C1orf159: variants seen among roughly 807,000 people sequenced by gnomAD.
C1orf159 encodes chromosome 1 open reading frame 159, also known as uncharacterized protein C1orf159.
In C1orf159, 19 loss-of-function variants were observed where a neutral mutation model predicts 25.6. The ratio of observed to expected loss-of-function variants is 0.74; its 90% CI spans 0.52 to 1.09. The LOEUF (loss-of-function observed/expected upper bound fraction) is 1.09, where lower values mean the gene tolerates loss of function less well. Ranked by LOEUF, C1orf159 falls within the 50% of genes least tolerant of loss-of-function variation. C1orf159 has a pLI of 0.00. For missense variants in C1orf159, 274 were observed against 290.6 expected (o/e 0.94, Z 0.42); for synonymous variants, 139 against 124.7 (o/e 1.12, Z -0.77).
intron 1 of C1orf159, among the ~76,000 whole-genome samples, chr1:1,097,516 G>A (rs558029926): frequency 6.6e-5 from 10 of 151,886 alleles, no homozygotes; most frequent in Admixed American, 3.3e-4. Flanking sequence ...GGGCTCAAGC[G>A]ATCCTCCCAC....
chr1:1,094,164 C>T lies in C1orf159; in HGVS notation c.-135-2061G>A, dbSNP rs914304024. ...CCAGGCTGGAGTGCAGTAGTGGGATCGTGGCTCACTGCAGCCTTGACCTCC... is the reference window on the plus strand; with the variant it reads ...CCAGGCTGGAGTGCAGTAGTGGGATTGTGGCTCACTGCAGCCTTGACCTCC... On this transcript the variant is annotated intron_variant, in intron 1 of 9. Coordinates refer to ENST00000421241, the MANE Select transcript of C1orf159 (RefSeq NM_017891.5). Among the ~76,000 whole-genome samples, 5 of 151,238 alleles carry T rather than the reference C, an allele frequency of 3.3e-5. No homozygotes were observed. The East Asian group carries it at 9.8e-4, about 30-fold the overall frequency.
chr1:1,099,783 GGAGA>G (rs1303463022), intron 1 of C1orf159, among the ~76,000 whole-genome samples: 1 of 80,426 alleles, frequency 1.2e-5, no homozygotes, highest in Non-Finnish European at 2.1e-5. Flanking sequence ...TCTAAGAATC[GGAGA>G]GAGAGGTTAA....
rs985064987 is a variant in C1orf159, at chr1:1,113,948, G to A, written c.-136+2112C>T. Among the ~76,000 whole-genome samples the A allele has an allele frequency of 6.9e-5, 9 of 131,036 alleles. No homozygotes were observed. In the South Asian group the frequency reaches 1.5e-3, roughly 22 times the overall value. The allele number at this position is 131,036 out of a possible 152,430, so 86.0% of individuals were successfully genotyped here. A position where few individuals can be genotyped will look rare whatever the true frequency, so the allele number is the denominator to read the frequency against. ...TTTTTTTTTTTTGAGATGGAGTCTC[G>A]CTCTGTCACCCAGGCTGCAGTGCAG... On this transcript the variant is annotated intron_variant, in intron 1 of 9. Transcript: ENST00000421241.
chr1:1,090,961 A>G (rs758985489), intron 3 of C1orf159: 14 of 1,550,124 alleles, frequency 9.0e-6, no homozygotes, highest in Non-Finnish European at 1.2e-5. Context: ...TGTGTTGATC[A>G]CAGCTGTGCT....
rs774850647 is a variant in C1orf159 at position 1,085,845 on chromosome 1, C to T, written c.445+33G>A. The T allele has an allele frequency of 5.6e-6, 9 of 1,611,108 alleles. No individual in the cohort carries two copies. The East Asian group carries it at 2.0e-4, about 36-fold the overall frequency. ...GGCTGGATGCCGCCTGCCCTGTGCC[C>T]TCCCGTGGGGCAGGTGCTGGTCCGG... On this transcript the variant is annotated intron_variant, in intron 7 of 9. Transcript: ENST00000421241.
At chr1:1,104,670 C>T (rs1425946911) in intron 1 of C1orf159, among the ~76,000 whole-genome samples, 1 of 152,180 alleles carries the variant, frequency 6.6e-6, no homozygotes, top group Non-Finnish European at 1.5e-5. Context: ...TGGCTCACAC[C>T]TAGAATATCA....
intron 1 of C1orf159, among the ~76,000 whole-genome samples, chr1:1,100,415 G>A (rs1646084115): frequency 6.6e-6 from 1 of 152,102 alleles, no homozygotes; most frequent in African/African-American, 2.4e-5. Flanking sequence ...ACAAGGAGTT[G>A]TGCCTCCCCG....
rs1196274279 is a variant in C1orf159, at chr1:1,084,342, G to A, written c.502+11C>T. On this transcript the variant is annotated intron_variant, in intron 9 of 9. Coordinates refer to ENST00000421241, the MANE Select transcript of C1orf159 (RefSeq NM_017891.5). ...GGAAACCCCACAGGGGGATGCGACA[G>A]CTGCTGTTACCTGAGGACTGTGGCG... The A allele has an allele frequency of 6.5e-7, 1 of 1,544,350 alleles. No individual in the cohort carries two copies. The highest frequency in any genetic ancestry group is 8.7e-7 in the Non-Finnish European group (1 of 1,145,340).
At chr1:1,105,560 A>C (rs6702072) in intron 1 of C1orf159, among the ~76,000 whole-genome samples, 36,327 of 152,084 alleles carry the variant, frequency 0.24, 5,861 homozygotes, top group African/African-American at 0.46. Context: ...ATATACCCTT[A>C]AATATTAGAC....
At chr1:1,084,608 T>C (rs1645800156) in intron 7 of C1orf159, 102 bp from the exon 8 acceptor site, 1 of 1,460,938 alleles carries the variant, frequency 6.8e-7, no homozygotes, top group African/African-American at 1.4e-5. Context: ...TGCCTCAGCC[T>C]CAGCCCAGTG....
intron 6 of C1orf159, among the ~76,000 whole-genome samples, chr1:1,086,375 G>A (rs1274165745): frequency 2.0e-5 from 3 of 152,126 alleles, no homozygotes; most frequent in South Asian, 4.2e-4. Flanking sequence ...TCCTTCCTCC[G>A]GGCTCAGCAC....
intron 4 of C1orf159, among the ~76,000 whole-genome samples, chr1:1,090,075 A>C (rs1312460583): frequency 6.6e-6 from 1 of 152,100 alleles, no homozygotes; most frequent in East Asian, 1.9e-4. Flanking sequence ...CCACTCCCCC[A>C]GACCCTTCTC....
intron 1 of C1orf159, among the ~76,000 whole-genome samples, chr1:1,101,963 A>G (rs1646106268): frequency 6.7e-6 from 1 of 148,872 alleles, no homozygotes; most frequent in Non-Finnish European, 1.5e-5. Context: ...TCCCAGCTAC[A>G]TGGGAGGCTG....
At position 1,082,227 on chromosome 1, in the gene C1orf159, T is replaced by C. The variant is rs997851113; in HGVS notation, c.*666A>G. The C allele has an allele frequency of 6.5e-6, 1 of 153,542 alleles. No individual in the cohort carries two copies. The highest frequency in any genetic ancestry group is 1.5e-5 in the Non-Finnish European group (1 of 68,834). 9.5% of individuals were successfully genotyped at this position (153,542 alleles called of 1,614,324 possible). A position where few individuals can be genotyped will look rare whatever the true frequency, so the allele number is the denominator to read the frequency against. On this transcript the variant is annotated 3_prime_UTR_variant, in exon 10 of 10. Transcript: ENST00000421241. Reference sequence around the variant, plus strand: ...GGATCCGAGCGGGGCCACAGAGCTCTGGAGGACTTTTCTGCACAATGAATT... The same window carrying C: ...GGATCCGAGCGGGGCCACAGAGCTCCGGAGGACTTTTCTGCACAATGAATT...
At chr1:1,085,824 G>T (rs571523419) in intron 7 of C1orf159, 54 bp downstream of exon 7, 89 of 1,601,532 alleles carry the variant, frequency 5.6e-5, no homozygotes, top group Non-Finnish European at 7.0e-5. Flanking sequence ...CTCCACGGCT[G>T]GATGCCGCCT....
At chr1:1,091,004 G>A in intron 3 of C1orf159, 1 of 1,526,074 alleles carries the variant, frequency 6.6e-7, no homozygotes, top group Non-Finnish European at 8.9e-7. Flanking sequence ...TGAACGGTGA[G>A]GGCGTCCAGG....
At chr1:1,084,057 G>A in intron 9 of C1orf159, 1 of 1,609,648 alleles carries the variant, frequency 6.2e-7, no homozygotes, top group Non-Finnish European at 8.5e-7. Flanking sequence ...CCCTGTCGTG[G>A]TGGGTCCTCC....
rs532250951 is a variant in C1orf159, at chr1:1,107,589, C to G, written c.-136+8471G>C. On this transcript the variant is annotated intron_variant, in intron 1 of 9. Transcript: ENST00000421241. The stretch of plus-strand genomic sequence containing the variant: ...CTGTGTCTAGCTCAGGGATCGTAAA[C>G]GCACTAATCAGCACCCTGTCAAAAC... Among the ~76,000 whole-genome samples the G allele has an allele frequency of 2.0e-5, 3 of 152,306 alleles. No homozygotes were observed. The East Asian group carries it at 5.8e-4, about 29-fold the overall frequency.
At chr1:1,083,096 G>A (rs921922124) in intron 9 of C1orf159, 109 bp from the exon 10 acceptor site, 5 of 884,326 alleles carry the variant, frequency 5.7e-6, no homozygotes, top group Non-Finnish European at 8.5e-6. Flanking sequence ...TGGCACAGGC[G>A]CCCGGGGCTG....
Sources: allele counts gnomAD v4.1 joint callset (sites outside exome capture counted in the v4.1 genomes callset), GRCh38; gene constraint gnomAD v4.1.1; transcripts MANE v1.5; gene names NCBI Gene and HGNC (gene_info 2026-07-23, HGNC 2026-07-21).